Variants in UBE3A observed in about 807,000 individuals in gnomAD.
The protein encoded by UBE3A is ubiquitin-protein ligase E3A.
Under a neutral mutation model 83.4 loss-of-function variants are expected in UBE3A, and 6 were observed. The observed-to-expected ratio is 0.07, with a 90% CI of 0.04 to 0.14. The LOEUF is 0.14. UBE3A is among the 10% of genes least tolerant of loss of function. The pLI, the probability that UBE3A is intolerant of heterozygous loss-of-function variation, is 1.00. For synonymous variants in UBE3A, 337 were observed against 355.4 expected (o/e 0.95, Z 0.58); for missense variants, 456 against 1,036.1 (o/e 0.44, Z 7.69).
intron 1 of UBE3A, chr15:25,418,927 C>A (rs1224675570): frequency 2.0e-5 from 3 of 152,124 alleles, no homozygotes; most frequent in African/African-American, 7.2e-5. Context: ...AAGGATGCTT[C>A]GAATCCCTTA....
chr15:25,350,070 AGCCTGG>A (rs569189482), intron 11 of UBE3A, among the ~76,000 whole-genome samples: 1 of 152,310 alleles, frequency 6.6e-6, no homozygotes, highest in East Asian at 1.9e-4. Context: ...GTTTGAAACC[AGCCTGG>A]GCAACATAGT....
chr15:25,382,953 CAA>C (rs2082451655), intron 4 of UBE3A, among the ~76,000 whole-genome samples: 1 of 151,986 alleles, frequency 6.6e-6, no homozygotes, highest in Non-Finnish European at 1.5e-5. Context: ...AACTGTCCAA[CAA>C]CGCCAGGGCT....
chr15:25,404,504 A>G (rs536011308), intron 4 of UBE3A, among the ~76,000 whole-genome samples: 3 of 152,302 alleles, frequency 2.0e-5, no homozygotes, highest in East Asian at 3.9e-4. Flanking sequence ...ATAAATCACT[A>G]AAGTCTTACT....
intron 1 of UBE3A, among the ~76,000 whole-genome samples, chr15:25,433,322 T>C (rs2153187397): frequency 6.6e-6 from 1 of 152,186 alleles, no homozygotes; most frequent in Admixed American, 6.5e-5. Flanking sequence ...TAGTTGGGAC[T>C]ACAGGCATGC....
At position 25,342,077 on chromosome 15, in the gene UBE3A, T is replaced by C. The variant is rs73364194; in HGVS notation, c.2355-1849A>G. ...ACACACAACAACAGAAAACTGGACA[T>C]GAAACTTGCAGGAGCATCTCTCAGG... On this transcript the variant is annotated intron_variant, in intron 11 of 12. Coordinates refer to ENST00000648336, the MANE Select transcript of UBE3A (RefSeq NM_130839.5). 6.9e-3 allele frequency among the ~76,000 whole-genome samples: 1,047 copies of C among 152,016 alleles called. 11 individuals carry two copies. The highest frequency in any genetic ancestry group is 0.024 in the African/African-American group (979 of 41,460).
At chr15:25,408,500 G>T in intron 3 of UBE3A, 1 of 1,317,642 alleles carries the variant, frequency 7.6e-7, no homozygotes, top group Non-Finnish European at 1.1e-6. Context: ...ATAATAAAAT[G>T]TAAATCTCAG....
intron 1 of UBE3A, among the ~76,000 whole-genome samples, chr15:25,419,888 A>G (rs1029270692): frequency 2.0e-5 from 3 of 151,218 alleles, no homozygotes; most frequent in Non-Finnish European, 4.4e-5. Flanking sequence ...CACTGGGGGG[A>G]AAAAAAACAG....
In UBE3A at chr15:25,338,514, A is replaced by ATCTT. The variant is rs1006028192; in HGVS notation, c.*619_*622dup. On this transcript the variant is annotated 3_prime_UTR_variant, in exon 13 of 13. Transcript: ENST00000648336. The stretch of plus-strand genomic sequence containing the variant: ...ACATTCCAATTTCTCCCTTCCTTCC[A>ATCTT]TCTTTCTTTATTGATTGATTCTCAA... The ATCTT allele has an allele frequency of 6.6e-5, 10 of 151,978 alleles. No individual in the cohort carries two copies. Among genetic ancestry groups the ATCTT allele is most frequent in the Admixed American group, 3.9e-4 (6 of 15,260 alleles). The allele number at this position is 151,978 out of a possible 1,614,324, so 9.4% of individuals were successfully genotyped here.
At chr15:25,384,777 T>C (rs923768683) in intron 4 of UBE3A, among the ~76,000 whole-genome samples, 3 of 152,172 alleles carry the variant, frequency 2.0e-5, no homozygotes, top group Non-Finnish European at 4.4e-5. Context: ...TGCAAAGCTA[T>C]AGTAATCAAA....
intron 6 of UBE3A, among the ~76,000 whole-genome samples, chr15:25,363,436 A>G (rs899487749): frequency 6.6e-6 from 1 of 152,194 alleles, no homozygotes; most frequent in Non-Finnish European, 1.5e-5. Context: ...CAACAATAAT[A>G]TATAGCACTT....
Position 25,438,809 on chromosome 15 carries a change from G to C in UBE3A, c.-485C>G, listed in dbSNP as rs949497665. 1 of 152,430 alleles carries C rather than the reference G, an allele frequency of 6.6e-6. No individual in the cohort carries two copies. The highest frequency in any genetic ancestry group is 2.4e-5 in the African/African-American group (1 of 41,442). The allele number at this position is 152,430 out of a possible 1,614,324, so 9.4% of individuals were successfully genotyped here. A position where few individuals can be genotyped will look rare whatever the true frequency, so the allele number is the denominator to read the frequency against. On this transcript the variant is annotated 5_prime_UTR_variant, in exon 1 of 13. Transcript: ENST00000648336. ...CCGCCGCCCGCAGCCGAGCGCGCCGGGTCGGCAGAGGTGAAGCGTAAGTAG... is the reference window on the plus strand; with the variant it reads ...CCGCCGCCCGCAGCCGAGCGCGCCGCGTCGGCAGAGGTGAAGCGTAAGTAG...
chr15:25,373,831 CA>C (rs2080727789), intron 5 of UBE3A: 1 of 151,854 alleles, frequency 6.6e-6, no homozygotes, highest in African/African-American at 2.4e-5. Flanking sequence ...AAAAATTAGT[CA>C]AAAAACACTG....
chr15:25,418,511 T>C lies in UBE3A; in HGVS notation c.-164-6540A>G, dbSNP rs191110789. On this transcript the variant is annotated intron_variant, in intron 1 of 12. Transcript: ENST00000648336. ...GCAAAAAGAAACTTTTTACAACATA[T>C]AAGTATTGTATGACTCTACTTACAT... The C allele has an allele frequency of 4.6e-5, 7 of 152,148 alleles. No homozygotes were observed. In the East Asian group the frequency reaches 1.2e-3, roughly 25 times the overall value. 9.4% of individuals were successfully genotyped at this position (152,148 alleles called of 1,614,324 possible).
At chr15:25,404,991 A>G (rs899471758) in intron 4 of UBE3A, among the ~76,000 whole-genome samples, 8 of 152,172 alleles carry the variant, frequency 5.3e-5, no homozygotes, top group African/African-American at 1.9e-4. Flanking sequence ...GTACTCCTTC[A>G]TGTTACTATT....
chr15:25,397,984 A>C (rs1298098380), intron 4 of UBE3A, among the ~76,000 whole-genome samples: 3 of 152,098 alleles, frequency 2.0e-5, no homozygotes, highest in African/African-American at 7.2e-5. Flanking sequence ...TATCTTTGTA[A>C]GAGTTTCACT....
chr15:25,402,171 T>C (rs2087301352), intron 4 of UBE3A, among the ~76,000 whole-genome samples: 1 of 152,218 alleles, frequency 6.6e-6, no homozygotes, highest in African/African-American at 2.4e-5. Context: ...TGTTCCAGTC[T>C]TTGCAGAGTG....
intron 1 of UBE3A, among the ~76,000 whole-genome samples, chr15:25,414,804 T>C (rs2090586126): frequency 1.3e-5 from 2 of 152,220 alleles, no homozygotes; most frequent in African/African-American, 4.8e-5. Flanking sequence ...GCTTCCAGAA[T>C]AAAGCCAAAG....
At chr15:25,360,706 T>C (rs1190607226) in intron 6 of UBE3A, among the ~76,000 whole-genome samples, 179 bp from the exon 7 acceptor site, 2 of 152,170 alleles carry the variant, frequency 1.3e-5, no homozygotes, top group Admixed American at 6.5e-5. Flanking sequence ...GTCTTAAAGA[T>C]AATCAAAAAG....
intron 1 of UBE3A, chr15:25,438,029 T>C (rs1227336581): frequency 6.6e-5 from 10 of 152,048 alleles, no homozygotes; most frequent in African/African-American, 9.7e-5. Flanking sequence ...TTCCCATCAA[T>C]CCACCCCCAA....
Sources: allele counts gnomAD v4.1 joint callset (sites outside exome capture counted in the v4.1 genomes callset), GRCh38; gene constraint gnomAD v4.1.1; transcripts MANE v1.5; gene names NCBI Gene and HGNC (gene_info 2026-07-23, HGNC 2026-07-21).